The following DNAH5 variants were observed in gnomAD, a reference collection of about 807,000 sequenced individuals.
DNAH5 encodes dynein axonemal heavy chain 5.
A neutral mutation model predicts 518.2 loss-of-function variants in DNAH5; 372 were observed. That is an observed-to-expected ratio of 0.72 (90% CI 0.66 to 0.78). DNAH5 has a LOEUF of 0.78. DNAH5 is among the 30% of genes least tolerant of loss of function. The pLI, the probability that DNAH5 is intolerant of heterozygous loss-of-function variation, is 0.00. For missense variants in DNAH5, 5,523 were observed against 5,687.0 expected, an observed-to-expected ratio of 0.97 and a Z score of 0.93; for synonymous variants, 2,039 against 2,025.9, an observed-to-expected ratio of 1.01 and a Z score of -0.17.
At chr5:13,781,651 T>C (rs2126842052) in intron 52 of DNAH5, among the ~76,000 whole-genome samples, 1 of 152,220 alleles carries the variant, frequency 6.6e-6, no homozygotes, top group East Asian at 1.9e-4. Flanking sequence ...ATTTTTTGTC[T>C]TGCCGCCGCC....
chr5:13,906,860 C>G (rs1235976080), intron 12 of DNAH5, among the ~76,000 whole-genome samples: 2 of 151,776 alleles, frequency 1.3e-5, no homozygotes, highest in Non-Finnish European at 2.9e-5. Context: ...CTTTCATGCA[C>G]CTATTTTAAA....
chr5:13,900,286 T>C lies in DNAH5; in HGVS notation c.2179A>G (p.Met727Val). ...GCCAGTGGAGAGACTTCCAGACCCA[T>C]CTGGGCCATGCACTCTGTTTCTCTA... ...LFRETECMAQ[M>V]GLEVSPLATS... The change falls in exon 15 of 79, where the codon ATG (methionine) becomes GTG (valine). Residue 727 changes from methionine to valine, a missense_variant. Coordinates refer to ENST00000265104, the MANE Select transcript of DNAH5 (RefSeq NM_001369.3). The C allele has an allele frequency of 6.2e-7, 1 of 1,614,194 alleles. No homozygotes were observed. Among genetic ancestry groups the C allele is most frequent in the Non-Finnish European group, 8.5e-7 (1 of 1,180,010 alleles).
chr5:13,978,910 C>A (rs977374267), intron 1 of DNAH5, among the ~76,000 whole-genome samples: 9 of 152,014 alleles, frequency 5.9e-5, no homozygotes, highest in Non-Finnish European at 1.5e-5. Flanking sequence ...TCTAGAGAAC[C>A]CTGGCTAATA....
chr5:13,907,740 A>C (rs912039001), intron 12 of DNAH5, among the ~76,000 whole-genome samples: 3 of 133,418 alleles, frequency 2.2e-5, no homozygotes, highest in African/African-American at 5.7e-5. Flanking sequence ...TTTAGTGCAG[A>C]GCTATAATTA....
intron 1 of DNAH5, among the ~76,000 whole-genome samples, chr5:14,004,502 C>A (rs550204368): frequency 4.6e-5 from 7 of 152,300 alleles, no homozygotes; most frequent in Admixed American, 2.6e-4. Context: ...TAATAATGCA[C>A]CTTGCATTGC....
At chr5:13,761,126 G>A (rs556810044) in intron 60 of DNAH5, among the ~76,000 whole-genome samples, 5 of 152,234 alleles carry the variant, frequency 3.3e-5, no homozygotes, top group African/African-American at 9.6e-5. Flanking sequence ...AGATTGTCTT[G>A]AGACAAGCTG....
intron 1 of DNAH5, among the ~76,000 whole-genome samples, chr5:13,956,407 T>C (rs1334475395): frequency 6.6e-6 from 1 of 152,230 alleles, no homozygotes; most frequent in East Asian, 1.9e-4. Flanking sequence ...CAACCAAAAC[T>C]ATTTTCTCTC....
intron 76 of DNAH5, among the ~76,000 whole-genome samples, chr5:13,702,332 T>C (rs1316624635): frequency 1.3e-5 from 2 of 152,234 alleles, no homozygotes; most frequent in Non-Finnish European, 2.9e-5. Context: ...CAAAGTCTGA[T>C]AATAAGCTGA....
intron 77 of DNAH5, 69 bp from the exon 78 acceptor site, chr5:13,700,940 A>G: frequency 1.3e-6 from 2 of 1,488,230 alleles, no homozygotes; most frequent in Non-Finnish European, 1.9e-6. Flanking sequence ...CATAACAATA[A>G]TGAAAGCTTG....
intron 44 of DNAH5, among the ~76,000 whole-genome samples, chr5:13,810,769 C>CAA (rs1491227262): frequency 8.1e-5 from 10 of 122,946 alleles, no homozygotes; most frequent in South Asian, 7.6e-4. Context: ...ACAAAACAAA[C>CAA]AAACAAAAAA....
chr5:13,859,738 T>A, intron 29 of DNAH5, 133 bp from the exon 30 acceptor site: 1 of 825,430 alleles, frequency 1.2e-6, no homozygotes, highest in Non-Finnish European at 2.0e-6. Flanking sequence ...GCTTTTAAAG[T>A]GATGCAACCA....
intron 10 of DNAH5, 36 bp downstream of exon 10, chr5:13,914,484 A>G: frequency 6.2e-7 from 1 of 1,604,950 alleles, no homozygotes; most frequent in South Asian, 1.1e-5. Context: ...ATAAGATAAA[A>G]AGAATAGAAC....
At chr5:13,859,654 T>C in intron 29 of DNAH5, 49 bp from the exon 30 acceptor site, 1 of 1,563,862 alleles carries the variant, frequency 6.4e-7, no homozygotes, top group Non-Finnish European at 8.8e-7. Flanking sequence ...TGTTGTGCTG[T>C]TGTTTCAAAT....
chr5:13,870,140 C>T (rs1250553516), intron 24 of DNAH5, among the ~76,000 whole-genome samples: 1 of 151,950 alleles, frequency 6.6e-6, no homozygotes, highest in Non-Finnish European at 1.5e-5. Flanking sequence ...TTTCTTCGAC[C>T]CTCAGTTTCC....
rs538982483 is a variant in DNAH5, at chr5:13,796,260, G to A, written c.7888-2202C>T. 1.1e-4 allele frequency among the ~76,000 whole-genome samples: 16 copies of A among 152,298 alleles called. 1 individual carries two copies. The South Asian group carries it at 2.9e-3, about 28-fold the overall frequency. ...GATTAGGAAATGAGGAAGTCAAATT[G>A]TCCCTGTTTGCAGATGACATGGTTG... On this transcript the variant is annotated intron_variant, in intron 47 of 78. Transcript: ENST00000265104.
chr5:13,968,253 A>G (rs543413448), intron 1 of DNAH5, among the ~76,000 whole-genome samples: 1 of 152,300 alleles, frequency 6.6e-6, no homozygotes, highest in African/African-American at 2.4e-5. Context: ...TCATATCATC[A>G]GAGAACAGTG....
Position 13,793,626 on chromosome 5 carries a change from C to T in DNAH5, c.8113G>A (p.Ala2705Thr), listed in dbSNP as rs1379838792. The change falls in exon 49 of 79, where the codon GCC becomes ACC. Residue 2705 changes from alanine to threonine, a missense_variant. Around this residue, in one of 3 missense-constraint regions of DNAH5, gnomAD observed 5,121 missense variants for 5,223.3 expected, o/e 0.98. Coordinates refer to ENST00000265104, the MANE Select transcript of DNAH5 (RefSeq NM_001369.3). ...TSIVDIQFLA[A>T]MIHPGGGRND... ...CGTCCACCACCAGGATGGATCATGG[C>T]TGCCAAAAACTGGATGTCCACGATG... 2 of 1,614,010 alleles carry T rather than the reference C, an allele frequency of 1.2e-6. No homozygotes were observed. Among genetic ancestry groups the T allele is most frequent in the African/African-American group, 1.3e-5 (1 of 74,912 alleles).
chr5:13,842,651 T>A (rs2151865458), intron 32 of DNAH5, among the ~76,000 whole-genome samples: 1 of 152,314 alleles, frequency 6.6e-6, no homozygotes, highest in Non-Finnish European at 1.5e-5. Flanking sequence ...TAAAGTGCTG[T>A]ACTAAGTCCT....
At chr5:13,785,485 TA>T (rs1403510427) in intron 52 of DNAH5, among the ~76,000 whole-genome samples, 2 of 152,230 alleles carry the variant, frequency 1.3e-5, no homozygotes, top group African/African-American at 4.8e-5. Context: ...ACACTATTTT[TA>T]AATTATTGTT....
Sources: allele counts gnomAD v4.1 joint callset (sites outside exome capture counted in the v4.1 genomes callset), GRCh38; gene constraint gnomAD v4.1.1; regional missense constraint gnomAD v4.1.1; transcripts MANE v1.5; gene names NCBI Gene and HGNC (gene_info 2026-07-23, HGNC 2026-07-21).